Variants in SARDH observed in about 807,000 individuals in gnomAD.
SARDH encodes the protein sarcosine dehydrogenase, mitochondrial.
In SARDH, 95 loss-of-function variants were observed where a neutral mutation model predicts 109.1. The observed-to-expected ratio is 0.87, with a 90% CI of 0.74 to 1.03. The LOEUF (loss-of-function observed/expected upper bound fraction) is 1.03, where lower values mean the gene tolerates loss of function less well. Among genes scored for constraint, SARDH ranks in the 50% least tolerant of loss-of-function variants. The pLI, the probability that SARDH is intolerant of heterozygous loss-of-function variation, is 0.00. For synonymous variants in SARDH, 572 were observed against 534.8 expected, an observed-to-expected ratio of 1.07 and a Z score of -0.96; for missense variants, 1,267 against 1,287.8, an observed-to-expected ratio of 0.98 and a Z score of 0.25.
At chr9:133,660,138 C>G (rs1050042897), downstream of SARDH, among the ~76,000 whole-genome samples, 12 of 151,348 alleles carry the variant, frequency 7.9e-5, no homozygotes, top group East Asian at 1.9e-4. Flanking sequence ...CCGTGTCCCC[C>G]CTACCCCGCT....
rs557114966 is a variant in SARDH, at chr9:133,670,608, C to T, written c.2471G>A (p.Arg824His). Residue 824 changes from arginine to histidine, a missense_variant, in exon 19 of 21, where the codon CGC becomes CAC. Transcript: ENST00000439388. ...EQQRAAGLRR[R>H]LVCFTMEDKV... ...CTCCTCCATGGTGAAGCACACCAGGCGCCGGCGGAGGCCTGCGGCCCGCTG... is the reference window on the plus strand; with the variant it reads ...CTCCTCCATGGTGAAGCACACCAGGTGCCGGCGGAGGCCTGCGGCCCGCTG... 21 of 1,576,326 alleles carry T rather than the reference C, an allele frequency of 1.3e-5. No homozygotes were observed. Among genetic ancestry groups the T allele is most frequent in the Admixed American group, 7.3e-5 (4 of 54,658 alleles).
chr9:133,721,943 C>G (rs1402228959), intron 6 of SARDH, among the ~76,000 whole-genome samples: 2 of 152,080 alleles, frequency 1.3e-5, no homozygotes, highest in Non-Finnish European at 2.9e-5. Flanking sequence ...TGGTGAAACC[C>G]CAACTCTACT....
downstream of SARDH, among the ~76,000 whole-genome samples, chr9:133,660,551 A>C (rs1424889277): frequency 3.3e-5 from 5 of 152,136 alleles, no homozygotes; most frequent in Admixed American, 3.3e-4. Context: ...CCACCTTCCG[A>C]ATGATTGGGG....
chr9:133,734,271 G>C, intron 1 of SARDH, 68 bp from the exon 2 acceptor site: 1 of 1,101,990 alleles, frequency 9.1e-7, no homozygotes, highest in Non-Finnish European at 1.2e-6. Context: ...GAGTACCCAG[G>C]GAAATAAGGG....
downstream of SARDH, chr9:133,663,557 C>A: frequency 3.1e-6 from 1 of 321,836 alleles, no homozygotes; most frequent in Non-Finnish European, 5.7e-6. Flanking sequence ...ATTTGCTTCG[C>A]TGTTTTCACG....
At chr9:133,696,142 G>C in intron 14 of SARDH, 81 bp downstream of exon 14, 2 of 1,566,098 alleles carry the variant, frequency 1.3e-6, no homozygotes, top group Non-Finnish European at 1.7e-6. Flanking sequence ...AGGGGACAGG[G>C]TGGCTTGCCA....
intron 19 of SARDH, 191 bp from the exon 20 acceptor site, chr9:133,667,061 G>A (rs2073835): frequency 0.3 from 203,369 of 673,218 alleles, 32,001 homozygotes; most frequent in East Asian, 0.4. Flanking sequence ...AGCAGGGCTC[G>A]GGCTTCGAGT....
In SARDH at chr9:133,721,153, C is replaced by T. The variant is rs190692482; in HGVS notation, c.916-2111G>A. The stretch of plus-strand genomic sequence containing the variant: ...AGAAGAGTCCTCCGATTGAAAATCA[C>T]GCATTCATATGGAAGGGCCCAAGAG... On this transcript the variant is annotated intron_variant, in intron 6 of 20. Transcript: ENST00000439388. Among the ~76,000 whole-genome samples the T allele has an allele frequency of 4.6e-3, 698 of 152,264 alleles. 4 individuals are homozygous for T. Among genetic ancestry groups the T allele is most frequent in the Non-Finnish European group, 5.1e-3 (344 of 68,028 alleles).
intron 17 of SARDH, 138 bp downstream of exon 17, chr9:133,685,055 C>T: frequency 3.0e-6 from 2 of 664,286 alleles, no homozygotes; most frequent in Non-Finnish European, 5.1e-6. Flanking sequence ...TCCCACTGTC[C>T]CCCCTTCACA....
rs368600723 is a variant in SARDH, at chr9:133,734,007, G to A, written c.167C>T (p.Ala56Val). Residue 56 changes from alanine to valine, a missense_variant, in exon 2 of 21, where the codon GCC becomes GTC. By Grantham distance (64) the Ala-to-Val change is moderately conservative. Transcript: ENST00000439388. ...LKEGQGTSVV[A>V]QGPSRPLPST... is the part of the protein sequence containing the mutation. Reference sequence around the variant, plus strand: ...GGGCAGGGGCCGGCTTGGGCCTTGGGCCACCACCGAGGTGCCCTGTCCCTC... The same window carrying A: ...GGGCAGGGGCCGGCTTGGGCCTTGGACCACCACCGAGGTGCCCTGTCCCTC... The A allele has an allele frequency of 1.9e-6, 3 of 1,612,886 alleles. No individual in the cohort carries two copies. The highest frequency in any genetic ancestry group is 2.5e-6 in the Non-Finnish European group (3 of 1,179,932).
rs909146791 is a variant in SARDH at position 133,693,236 on chromosome 9, T to C, written c.1921+1022A>G. On this transcript the variant is annotated intron_variant, in intron 15 of 20. Transcript: ENST00000439388. This position sits in a 1 kb window ranked among gnomAD's most constrained non-coding sequence, Gnocchi z 5.6. ...GGCTCACTGTTGGGTCCTCCGTGCCTCAAACTGAGCCTGACACACAGTCGG... is the reference window on the plus strand; with the variant it reads ...GGCTCACTGTTGGGTCCTCCGTGCCCCAAACTGAGCCTGACACACAGTCGG... Among the ~76,000 whole-genome samples, 2 of 152,140 alleles carry C rather than the reference T, an allele frequency of 1.3e-5. No individual in the cohort carries two copies. The highest frequency in any genetic ancestry group is 4.8e-5 in the African/African-American group (2 of 41,440).
chr9:133,702,210 C>A (rs1831513520), intron 13 of SARDH, among the ~76,000 whole-genome samples: 1 of 152,266 alleles, frequency 6.6e-6, no homozygotes, highest in African/African-American at 2.4e-5. Context: ...AGGGCAGACG[C>A]TGGCCTCGCT....
chr9:133,711,977 G>C (rs1229911693), intron 10 of SARDH, among the ~76,000 whole-genome samples: 1 of 152,208 alleles, frequency 6.6e-6, no homozygotes, highest in Non-Finnish European at 1.5e-5. Flanking sequence ...AGATGGCCCT[G>C]ACTGGCAGAA....
At chr9:133,702,343 G>A (rs1831518985) in intron 13 of SARDH, among the ~76,000 whole-genome samples, 1 of 152,200 alleles carries the variant, frequency 6.6e-6, no homozygotes, top group South Asian at 2.1e-4. Flanking sequence ...AGGCAGGGGC[G>A]ACGGGCTGCC....
At chr9:133,669,688 C>T (rs1213782279) in intron 19 of SARDH, among the ~76,000 whole-genome samples, 2 of 152,232 alleles carry the variant, frequency 1.3e-5, no homozygotes, top group East Asian at 1.9e-4. Flanking sequence ...TCTCCTTCCA[C>T]CTCTGCCGTG....
chr9:133,734,281 G>C, intron 1 of SARDH, 78 bp from the exon 2 acceptor site: 1 of 997,542 alleles, frequency 1.0e-6, no homozygotes, highest in Admixed American at 3.3e-5. Context: ...GGAAATAAGG[G>C]CCCTATGGTG....
chr9:133,712,523 TCAGG>T lies in SARDH; in HGVS notation c.1328+92_1328+95del, dbSNP rs2131447346. ...CCCCTTCCAGGAAGCCACCTGGATT[TCAGG>T]CAAGGCTCCTTTCTCAGTAGCCCTC... On this transcript the variant is annotated intron_variant, in intron 10 of 20. Coordinates refer to ENST00000439388, the MANE Select transcript of SARDH (RefSeq NM_001134707.2). This position sits in a 1 kb window ranked among gnomAD's most constrained non-coding sequence, Gnocchi z 4.1. 1.8e-6 allele frequency: 2 copies of T among 1,141,042 alleles called. No homozygotes were observed. Among genetic ancestry groups the T allele is most frequent in the East Asian group, 4.8e-5 (2 of 41,868 alleles). The allele number at this position is 1,141,042 out of a possible 1,614,324, so 70.7% of individuals were successfully genotyped here. A position where few individuals can be genotyped will look rare whatever the true frequency, so the allele number is the denominator to read the frequency against.
intron 17 of SARDH, among the ~76,000 whole-genome samples, chr9:133,683,384 T>C (rs1830767489): frequency 6.6e-6 from 1 of 152,208 alleles, no homozygotes; most frequent in Non-Finnish European, 1.5e-5. Context: ...GCAGCACCTA[T>C]GCCAAGCCTC....
At chr9:133,707,939 G>C (rs943830035) in intron 11 of SARDH, among the ~76,000 whole-genome samples, 1 of 152,158 alleles carries the variant, frequency 6.6e-6, no homozygotes, top group Non-Finnish European at 1.5e-5. Flanking sequence ...CTCCCAATAC[G>C]TGGCTGCATA....
Sources: gnomAD v4.1 joint callset for allele counts (sites outside exome capture counted in the v4.1 genomes callset) on GRCh38, gnomAD v4.1.1 for gene constraint, Gnocchi (gnomAD v3.1) non-coding constraint, MANE v1.5 for transcripts, NCBI Gene and HGNC (gene_info 2026-07-23, HGNC 2026-07-21) for gene names.